Variants in LTBP2 observed in about 807,000 individuals in gnomAD.
LTBP2 encodes the protein latent transforming growth factor beta binding protein 2.
LTBP2 carries 103 observed loss-of-function variants against 210.6 expected under a neutral mutation model. The ratio of observed to expected loss-of-function variants is 0.49; its 90% confidence interval spans 0.42 to 0.58. LTBP2 has a LOEUF of 0.58. LTBP2 is among the 20% of genes least tolerant of loss of function. LTBP2 has a pLI of 0.00. For synonymous variants in LTBP2, 1,007 were observed against 1,015.0 expected (o/e 0.99, Z 0.15); for missense variants, 2,313 against 2,494.5 (o/e 0.93, Z 1.55).
chr14:74,605,410 C>T (rs1261837965), intron 1 of LTBP2, among the ~76,000 whole-genome samples: 4 of 152,138 alleles, frequency 2.6e-5, no homozygotes, highest in South Asian at 4.1e-4. Flanking sequence ...CCTCTCTGGG[C>T]GACCACCGTT....
chr14:74,531,169 G>T (rs2087345295), intron 10 of LTBP2, among the ~76,000 whole-genome samples: 1 of 152,178 alleles, frequency 6.6e-6, no homozygotes, highest in African/African-American at 2.4e-5. Flanking sequence ...CGGCAGGGAG[G>T]GAAGGAGGCA....
At position 74,535,978 on chromosome 14, in the gene LTBP2, G is replaced by A; in HGVS notation, c.1812C>T (p.Gly604=). ...TGTACCCCTGAGGACACTCCAGCTG[G>A]CCATTCTCAATCACCGGGGAGGCTG... The part of the protein sequence containing the change: ...PRPASPVIEN[G]QLECPQGYKR... The change falls in exon 9 of 36, where the codon GGC becomes GGT. Residue 604 remains glycine (G), a synonymous_variant. Coordinates refer to ENST00000261978, the MANE Select transcript of LTBP2 (RefSeq NM_000428.3). 6.2e-7 allele frequency: 1 copy of A among 1,614,146 alleles called. No homozygotes were observed. Among genetic ancestry groups the A allele is most frequent in the Non-Finnish European group, 8.5e-7 (1 of 1,180,028 alleles).
chr14:74,595,030 A>T (rs1199758745), intron 2 of LTBP2, among the ~76,000 whole-genome samples: 1 of 152,244 alleles, frequency 6.6e-6, no homozygotes, highest in Non-Finnish European at 1.5e-5. Context: ...GCCCAGCTCC[A>T]AAATAGCAGT....
intron 1 of LTBP2, among the ~76,000 whole-genome samples, chr14:74,607,962 G>A (rs1262007471): frequency 4.0e-5 from 6 of 149,228 alleles, no homozygotes; most frequent in Admixed American, 6.7e-5. Context: ...CGCCCAGGCC[G>A]GACTGCGGAC....
At chr14:74,542,932 A>G (rs1010026353) in intron 8 of LTBP2, among the ~76,000 whole-genome samples, 2 of 151,766 alleles carry the variant, frequency 1.3e-5, no homozygotes, top group African/African-American at 4.8e-5. Context: ...ACACCCAGCT[A>G]ATTTTTGTAT....
In LTBP2 at chr14:74,502,827, A is replaced by C. The variant is rs748527457; in HGVS notation, c.4996T>G (p.Tyr1666Asp). 6.2e-7 allele frequency: 1 copy of C among 1,614,052 alleles called. No individual in the cohort carries two copies. Among genetic ancestry groups the C allele is most frequent in the East Asian group, 2.2e-5 (1 of 44,886 alleles). The change falls in exon 34 of 36, where the codon TAC (tyrosine) becomes GAC (aspartate). Residue 1666 changes from tyrosine to aspartate, a missense_variant. By Grantham distance (160) the Tyr-to-Asp change is radical. Around this residue, in one of 3 missense-constraint regions of LTBP2, gnomAD observed 443 missense variants for 501.4 expected, o/e 0.88. Coordinates refer to ENST00000261978, the MANE Select transcript of LTBP2 (RefSeq NM_000428.3). ...EYGPGPDDLH[Y>D]SIYGPDGAPF... ...GCCCCATCTGGGCCATAGATGCTGT[A>C]GTGCAGGTCATCGGGCCCGGGGCCA... is the stretch of plus-strand genomic sequence containing the variant.
At chr14:74,608,065 C>T (rs901119320) in intron 1 of LTBP2, among the ~76,000 whole-genome samples, 2 of 151,658 alleles carry the variant, frequency 1.3e-5, no homozygotes, top group East Asian at 1.9e-4. Flanking sequence ...GGACTACAGG[C>T]GCCCGCCACC....
chr14:74,567,178 C>G (rs879901979), intron 3 of LTBP2, among the ~76,000 whole-genome samples: 12 of 152,168 alleles, frequency 7.9e-5, no homozygotes, highest in Non-Finnish European at 1.5e-4. Flanking sequence ...CCCGGTCCCC[C>G]CTCAAGGGCA....
intron 14 of LTBP2, 87 bp from the exon 15 acceptor site, chr14:74,525,312 G>T: frequency 1.5e-6 from 1 of 667,336 alleles, no homozygotes; most frequent in South Asian, 5.8e-5. Flanking sequence ...AGACTCCCAA[G>T]AACGAAGGGT....
Position 74,612,060 on chromosome 14 carries a change from T to C in LTBP2, c.-116A>G, listed in dbSNP as rs1595309214. ...CCGCCCGGCGGCCAGCTTCTCTGAG[T>C]CTAGGGGGCCCTGAAGCGGCCGACT... is the stretch of plus-strand genomic sequence containing the variant. On this transcript the variant is annotated 5_prime_UTR_variant, in exon 1 of 36. Coordinates refer to ENST00000261978, the MANE Select transcript of LTBP2 (RefSeq NM_000428.3). 6.7e-6 allele frequency: 8 copies of C among 1,201,798 alleles called. 1 individual carries two copies. In the South Asian group the frequency reaches 1.2e-4, roughly 19 times the overall value. The allele number at this position is 1,201,798 out of a possible 1,614,324, so 74.4% of individuals were successfully genotyped here.
At chr14:74,562,981 T>G (rs2087815041) in intron 3 of LTBP2, among the ~76,000 whole-genome samples, 1 of 152,200 alleles carries the variant, frequency 6.6e-6, no homozygotes. Context: ...CTGGCTTGTG[T>G]ATCTGCAAGT....
At chr14:74,510,055 G>A (rs1183538594) in intron 20 of LTBP2, 36 bp downstream of exon 20, 8 of 1,613,628 alleles carry the variant, frequency 5.0e-6, no homozygotes, top group African/African-American at 1.3e-5. Flanking sequence ...AAGCTGGATC[G>A]GCCTGCGGAG....
chr14:74,611,669 C>T lies in LTBP2; in HGVS notation c.276G>A (p.Trp92Ter). Residue 92 changes from tryptophan (W) to a stop codon, truncating the protein, a stop_gained, in exon 1 of 36, where the codon TGG becomes TGA. Transcript: ENST00000261978. LOFTEE classifies it high-confidence loss of function. ...LQPVERAQPG[W>*]GSPRRPTEAE... ...CCTCGGTGGGCCTCCTGGGGCTCCCCCAGCCCGGCTGGGCCCGCTCCACGG... is the reference window on the plus strand; with the variant it reads ...CCTCGGTGGGCCTCCTGGGGCTCCCTCAGCCCGGCTGGGCCCGCTCCACGG... 1 of 1,562,122 alleles carries T rather than the reference C, an allele frequency of 6.4e-7. No homozygotes were observed. The highest frequency in any genetic ancestry group is 8.6e-7 in the Non-Finnish European group (1 of 1,160,006).
chr14:74,559,655 C>T (rs936275163), intron 3 of LTBP2: 1 of 152,106 alleles, frequency 6.6e-6, no homozygotes, highest in South Asian at 2.1e-4. Context: ...AGACTGTGAG[C>T]TGTGGAGTTT....
chr14:74,594,401 A>G (rs1420927820), intron 2 of LTBP2, among the ~76,000 whole-genome samples: 1 of 152,082 alleles, frequency 6.6e-6, no homozygotes, highest in Non-Finnish European at 1.5e-5. Flanking sequence ...CTTCAACTCC[A>G]GACTCTGGGC....
intron 17 of LTBP2, among the ~76,000 whole-genome samples, chr14:74,518,689 C>T (rs907261528): frequency 6.6e-6 from 1 of 152,250 alleles, no homozygotes; most frequent in Non-Finnish European, 1.5e-5. Flanking sequence ...AGTGTCTTCA[C>T]TTGAGCAATA....
At chr14:74,564,323 A>C (rs1391354206) in intron 3 of LTBP2, among the ~76,000 whole-genome samples, 1 of 19,912 alleles carries the variant, frequency 5.0e-5, no homozygotes, top group Non-Finnish European at 8.4e-5. Context: ...ATATATTTAT[A>C]TATATATTTA....
intron 2 of LTBP2, among the ~76,000 whole-genome samples, chr14:74,596,133 G>A (rs577276670): frequency 6.6e-6 from 1 of 152,204 alleles, no homozygotes; most frequent in East Asian, 1.9e-4. Flanking sequence ...GCTGAGGGAG[G>A]AGAACTGCTT....
At chr14:74,510,359 C>A (rs2087055379) in intron 19 of LTBP2, 146 bp from the exon 20 acceptor site, 1 of 1,177,726 alleles carries the variant, frequency 8.5e-7, no homozygotes, top group Non-Finnish European at 1.2e-6. Context: ...TGAGGCCATG[C>A]TCCCTCCTCC....
Sources: gnomAD v4.1 joint callset for allele counts (sites outside exome capture counted in the v4.1 genomes callset) on GRCh38, gnomAD v4.1.1 for gene constraint, gnomAD v4.1.1 regional missense constraint, MANE v1.5 for transcripts, NCBI Gene and HGNC (gene_info 2026-07-23, HGNC 2026-07-21) for gene names.